The following WDR7 variants were observed in gnomAD, a reference collection of about 807,000 sequenced individuals.
WDR7 encodes WD repeat-containing protein 7.
A neutral mutation model predicts 169.4 loss-of-function variants in WDR7; 46 were observed. The ratio of observed to expected loss-of-function variants is 0.27; its 90% CI spans 0.21 to 0.35. The LOEUF (loss-of-function observed/expected upper bound fraction) is 0.35. Ranked by LOEUF, WDR7 falls within the 10% of genes least tolerant of loss-of-function variation. The probability of loss-of-function intolerance (pLI) is 1.00; values close to 1 mark genes in which losing one functional copy is unlikely to be tolerated. For missense variants in WDR7, 1,534 were observed against 1,859.3 expected (o/e 0.83, Z 3.22); for synonymous variants, 612 against 666.8 (o/e 0.92, Z 1.27).
chr18:56,786,384 C>T (rs2044399858), intron 19 of WDR7, among the ~76,000 whole-genome samples: 1 of 152,002 alleles, frequency 6.6e-6, no homozygotes, highest in Admixed American at 6.6e-5. Flanking sequence ...CAAAATTTAG[C>T]CGGGCATGGC....
intron 21 of WDR7, among the ~76,000 whole-genome samples, chr18:56,883,940 T>A (rs2046150378): frequency 6.6e-6 from 1 of 152,212 alleles, no homozygotes; most frequent in Non-Finnish European, 1.5e-5. Context: ...TGATTCCATA[T>A]TTTTGCAATT....
At chr18:56,744,905 G>T (rs1428770588) in intron 14 of WDR7, among the ~76,000 whole-genome samples, 1 of 152,142 alleles carries the variant, frequency 6.6e-6, no homozygotes, top group Non-Finnish European at 1.5e-5. Flanking sequence ...CTCAGGTAAG[G>T]ACAGGACCCA....
intron 26 of WDR7, among the ~76,000 whole-genome samples, chr18:56,968,706 C>T (rs2047444894): frequency 6.6e-6 from 1 of 152,108 alleles, no homozygotes; most frequent in Admixed American, 6.5e-5. Flanking sequence ...CCTACAGCAC[C>T]CCCTCCACCC....
At chr18:57,033,223 G>C (rs189750748), downstream of WDR7, 2 of 152,216 alleles carry the variant, frequency 1.3e-5, no homozygotes, top group Admixed American at 1.3e-4. Flanking sequence ...GGAAGTGATC[G>C]ATTCTGATGA....
At chr18:56,701,635 T>C (rs916194767) in intron 12 of WDR7, among the ~76,000 whole-genome samples, 3 of 152,204 alleles carry the variant, frequency 2.0e-5, no homozygotes, top group Non-Finnish European at 4.4e-5. Context: ...ATATTAGATA[T>C]AGGAGATGTA....
intron 20 of WDR7, among the ~76,000 whole-genome samples, chr18:56,823,291 G>A (rs1312112362): frequency 6.6e-6 from 1 of 152,158 alleles, no homozygotes; most frequent in Non-Finnish European, 1.5e-5. Context: ...TGCAAAAGGA[G>A]CTATAGGCCA....
At chr18:56,866,165 C>T (rs1468753106) in intron 20 of WDR7, among the ~76,000 whole-genome samples, 1 of 152,174 alleles carries the variant, frequency 6.6e-6, no homozygotes, top group Non-Finnish European at 1.5e-5. Context: ...ACTTCACATA[C>T]TTAACTTTCC....
At chr18:56,927,664 CATG>C (rs749218964) in intron 22 of WDR7, among the ~76,000 whole-genome samples, 1 of 151,984 alleles carries the variant, frequency 6.6e-6, no homozygotes, top group Non-Finnish European at 1.5e-5. Flanking sequence ...ATTTTAGAAA[CATG>C]ATATGCAACT....
intron 1 of WDR7, among the ~76,000 whole-genome samples, chr18:56,666,951 AAAAT>A (rs2025038591): frequency 6.6e-6 from 1 of 152,112 alleles, no homozygotes; most frequent in African/African-American, 2.4e-5. Flanking sequence ...TTAAATATAA[AAAAT>A]AAAAGCAAAA....
intron 21 of WDR7, among the ~76,000 whole-genome samples, chr18:56,894,201 C>G (rs1344449243): frequency 6.6e-6 from 1 of 152,028 alleles, no homozygotes; most frequent in African/African-American, 2.4e-5. Context: ...CCTGCGAAGG[C>G]TTCCTGCCTC....
At chr18:56,663,543 GGTTC>G (rs1328241141) in intron 1 of WDR7, among the ~76,000 whole-genome samples, 8 of 151,870 alleles carry the variant, frequency 5.3e-5, no homozygotes, top group African/African-American at 1.9e-4. Flanking sequence ...ACTTTCAAGT[GGTTC>G]TACACACACA....
chr18:57,033,753 A>C (rs1217798842), downstream of WDR7: 4 of 150,014 alleles, frequency 2.7e-5, no homozygotes, highest in African/African-American at 7.4e-5. Flanking sequence ...GTCCTTCCGT[A>C]AAGATTGCTT....
In WDR7 at chr18:57,023,113, A is replaced by G. The variant is rs75365663; in HGVS notation, c.4269+2264A>G. Among the ~76,000 whole-genome samples the G allele has an allele frequency of 1.3e-3, 191 of 152,364 alleles. 4 individuals carry two copies. The East Asian group carries it at 0.035, about 28-fold the overall frequency. On this transcript the variant is annotated intron_variant, in intron 27 of 27. Transcript: ENST00000254442. The stretch of plus-strand genomic sequence containing the variant: ...CAGTCTTGAAATTTTAATGGAAGAT[A>G]CAAAAACAAGTCCTTTCAGCTTTCT...
Position 56,707,026 on chromosome 18 carries a change from G to A in WDR7, c.1578+10564G>A, listed in dbSNP as rs567974265. On this transcript the variant is annotated intron_variant, in intron 12 of 27. Transcript: ENST00000254442. ...AGAGAGAGTCTCACTCTGCCACCCAGGCTGGAGTGCAGTGGTGTGATCTCA... is the reference window on the plus strand; with the variant it reads ...AGAGAGAGTCTCACTCTGCCACCCAAGCTGGAGTGCAGTGGTGTGATCTCA... Among the ~76,000 whole-genome samples, 3 of 150,134 alleles carry A rather than the reference G, an allele frequency of 2.0e-5. No individual in the cohort carries two copies. The East Asian group carries it at 5.9e-4, about 29-fold the overall frequency.
rs368059859 is a variant in WDR7, at chr18:56,778,206, A to G, written c.2948-1225A>G. Among the ~76,000 whole-genome samples, 7 of 152,292 alleles carry G rather than the reference A, an allele frequency of 4.6e-5. No individual in the cohort carries two copies. In the East Asian group the frequency reaches 1.2e-3, roughly 25 times the overall value. On this transcript the variant is annotated intron_variant, in intron 17 of 27. Coordinates refer to ENST00000254442, the MANE Select transcript of WDR7 (RefSeq NM_015285.3). ...CACTGAAAGGATGAATCTTTAGATA[A>G]GTGGCTTGTCAGTCTGTCTCTCTCC...
intron 1 of WDR7, among the ~76,000 whole-genome samples, chr18:56,659,018 CT>C (rs2024843214): frequency 6.6e-6 from 1 of 152,124 alleles, no homozygotes; most frequent in Admixed American, 6.5e-5. Flanking sequence ...GCCCGGCCCC[CT>C]GTACTTACTT....
At chr18:56,737,842 G>A (rs2026734178) in intron 14 of WDR7, among the ~76,000 whole-genome samples, 1 of 152,186 alleles carries the variant, frequency 6.6e-6, no homozygotes, top group South Asian at 2.1e-4. Context: ...AACTGTTTTT[G>A]TCCTTAGAAG....
At chr18:56,672,348 T>A in intron 1 of WDR7, 149 bp from the exon 2 acceptor site, 2 of 583,228 alleles carry the variant, frequency 3.4e-6, no homozygotes, top group Non-Finnish European at 5.1e-6. Flanking sequence ...ACTAGTCGTT[T>A]TTTTTTGAAA....
At chr18:56,910,127 A>G (rs913487546) in intron 21 of WDR7, among the ~76,000 whole-genome samples, 7 of 152,198 alleles carry the variant, frequency 4.6e-5, no homozygotes. Context: ...TTAGGATGGA[A>G]TATTTTCTTC....
Sources: allele counts gnomAD v4.1 joint callset (sites outside exome capture counted in the v4.1 genomes callset), GRCh38; gene constraint gnomAD v4.1.1; transcripts MANE v1.5; gene names NCBI Gene and HGNC (gene_info 2026-07-23, HGNC 2026-07-21).